The following NAV2 variants were observed in gnomAD, a reference collection of about 807,000 sequenced individuals.
The protein encoded by NAV2 is neuron navigator 2.
In NAV2, 54 loss-of-function variants were observed where a neutral mutation model predicts 223.2. The observed-to-expected ratio is 0.24, with a 90% confidence interval of 0.19 to 0.30. The LOEUF is 0.30. Ranked by LOEUF, NAV2 falls within the 10% of genes least tolerant of loss-of-function variation. The pLI is 1.00. For missense variants in NAV2, 2,806 were observed against 3,147.5 expected, an observed-to-expected ratio of 0.89 and a Z score of 2.60; for synonymous variants, 1,279 against 1,239.3, an observed-to-expected ratio of 1.03 and a Z score of -0.67.
intron 1 of NAV2, among the ~76,000 whole-genome samples, chr11:19,427,939 TC>T (rs1040547869): frequency 6.6e-6 from 1 of 152,006 alleles, no homozygotes; most frequent in African/African-American, 2.4e-5. Context: ...TGAATCTGCA[TC>T]CCCCCGCTAG....
chr11:19,842,656 A>G (rs2060573362), intron 2 of NAV2, among the ~76,000 whole-genome samples: 2 of 152,268 alleles, frequency 1.3e-5, no homozygotes, highest in Middle Eastern at 3.4e-3. Flanking sequence ...TCTCTGTTTT[A>G]GATGACGACC....
rs1191273607 is a variant in NAV2 at position 20,118,142 on chromosome 11, C to G, written c.7174C>G (p.Leu2392Val). 6.2e-7 allele frequency: 1 copy of G among 1,600,486 alleles called. No homozygotes were observed. Among genetic ancestry groups the G allele is most frequent in the Non-Finnish European group, 8.5e-7 (1 of 1,171,994 alleles). The change falls in exon 38 of 38, where the codon CTG becomes GTG. Residue 2392 changes from leucine to valine, a missense_variant. By Grantham distance (32) the Leu-to-Val change is conservative. This residue lies in a region of NAV2 where 824 missense variants were observed against 1,069.4 expected (regional missense o/e 0.77). Coordinates refer to ENST00000349880, the MANE Select transcript of NAV2 (RefSeq NM_145117.5). ...TCCACTCTTCCCCTAGATGAACATG[C>G]TGATGAGGCTGCAGGAGGCAGCCAA... ...DAEGDPLMNM[L>V]MRLQEAANYS...
At chr11:19,436,743 G>A (rs986534572) in intron 1 of NAV2, among the ~76,000 whole-genome samples, 10 of 151,956 alleles carry the variant, frequency 6.6e-5, no homozygotes, top group South Asian at 2.1e-4. Flanking sequence ...ACACCTTTCC[G>A]TTTATTTGTG....
chr11:19,527,538 A>G (rs1028685215), intron 1 of NAV2, among the ~76,000 whole-genome samples: 2 of 151,932 alleles, frequency 1.3e-5, no homozygotes, highest in African/African-American at 4.8e-5. Flanking sequence ...ATGAGCTTCA[A>G]CTTTCCAGTG....
At chr11:19,603,301 T>C (rs887720544) in intron 1 of NAV2, among the ~76,000 whole-genome samples, 2 of 151,998 alleles carry the variant, frequency 1.3e-5, no homozygotes, top group African/African-American at 4.8e-5. Context: ...AAACACCCAC[T>C]ATGTGCCAGG....
At chr11:19,698,942 A>G (rs1323536475) in intron 1 of NAV2, among the ~76,000 whole-genome samples, 1 of 152,218 alleles carries the variant, frequency 6.6e-6, no homozygotes, top group East Asian at 1.9e-4. Context: ...ACTCCAGGAC[A>G]TTATGACTTA....
At position 19,801,565 on chromosome 11, in the gene NAV2, A is replaced by T. The variant is rs138454473; in HGVS notation, c.268-30919A>T. On this transcript the variant is annotated intron_variant, in intron 1 of 37. Coordinates refer to ENST00000349880, the MANE Select transcript of NAV2 (RefSeq NM_145117.5). ...AGTTTCGGCCTCCACCTGAAAGTGG[A>T]AGTATAGGGTCAGGCACATGGACCT... Among the ~76,000 whole-genome samples, 343 of 152,276 alleles carry T rather than the reference A, an allele frequency of 2.3e-3. 2 individuals carry two copies. Among genetic ancestry groups the T allele is most frequent in the African/African-American group, 7.7e-3 (322 of 41,552 alleles).
intron 11 of NAV2, among the ~76,000 whole-genome samples, chr11:20,021,068 T>G (rs2054465386): frequency 6.6e-6 from 1 of 152,228 alleles, no homozygotes; most frequent in Admixed American, 6.5e-5. Context: ...AGACCTGCCA[T>G]AGCCAGCCCA....
At chr11:19,982,587 T>A (rs912347179) in intron 10 of NAV2, among the ~76,000 whole-genome samples, 2 of 152,180 alleles carry the variant, frequency 1.3e-5, no homozygotes, top group Non-Finnish European at 2.9e-5. Context: ...TCCAACAGAT[T>A]TCTCATTATG....
chr11:20,022,745 T>G, intron 11 of NAV2: 2 of 1,091,960 alleles, frequency 1.8e-6, no homozygotes, highest in African/African-American at 1.6e-5. Flanking sequence ...GACCCGCTGT[T>G]GCAAACTCCC....
chr11:19,535,655 C>A (rs927528342), intron 1 of NAV2, among the ~76,000 whole-genome samples: 1 of 152,230 alleles, frequency 6.6e-6, no homozygotes, highest in Non-Finnish European at 1.5e-5. Context: ...GCGGTTTCTT[C>A]CACCTCCTTT....
chr11:19,623,399 C>T (rs1325762382), intron 1 of NAV2, among the ~76,000 whole-genome samples: 1 of 152,194 alleles, frequency 6.6e-6, no homozygotes, highest in Admixed American at 6.5e-5. Flanking sequence ...CTTTCAGGTA[C>T]ACCAATCAGA....
At chr11:19,891,185 T>C (rs1428054696) in intron 5 of NAV2, among the ~76,000 whole-genome samples, 1 of 152,228 alleles carries the variant, frequency 6.6e-6, no homozygotes, top group Non-Finnish European at 1.5e-5. Context: ...GCTTACAGAT[T>C]TGCATGGAAA....
At chr11:19,987,775 C>T (rs1475987349) in intron 11 of NAV2, among the ~76,000 whole-genome samples, 2 of 152,234 alleles carry the variant, frequency 1.3e-5, no homozygotes, top group South Asian at 2.1e-4. Flanking sequence ...AGGGTTGCCA[C>T]TCCTGGGCTC....
At chr11:19,979,851 G>C (rs531326593) in intron 10 of NAV2, among the ~76,000 whole-genome samples, 1 of 152,166 alleles carries the variant, frequency 6.6e-6, no homozygotes, top group Non-Finnish European at 1.5e-5. Flanking sequence ...GCTGAAATGC[G>C]ACAGTTGGGA....
chr11:20,103,614 T>C (rs1456680975), intron 33 of NAV2, 39 bp from the exon 34 acceptor site: 1 of 1,607,074 alleles, frequency 6.2e-7, no homozygotes, highest in East Asian at 2.2e-5. Context: ...CTAGCTTGGC[T>C]TGGAATCACA....
At chr11:19,629,334 G>A (rs1318238927) in intron 1 of NAV2, among the ~76,000 whole-genome samples, 1 of 152,052 alleles carries the variant, frequency 6.6e-6, no homozygotes, top group Non-Finnish European at 1.5e-5. Context: ...GACCAAAGGG[G>A]CCCATTAGGC....
intron 6 of NAV2, chr11:19,931,848 G>A (rs1335506366): frequency 6.6e-6 from 1 of 152,288 alleles, no homozygotes; most frequent in African/African-American, 2.4e-5. Flanking sequence ...GGGCTGAAGG[G>A]GTGTATCCTG....
chr11:19,745,448 CT>C (rs1202921593), intron 1 of NAV2, among the ~76,000 whole-genome samples: 1 of 152,140 alleles, frequency 6.6e-6, no homozygotes, highest in African/African-American at 2.4e-5. Context: ...TAAGTTGGCC[CT>C]CGATTTTGTC....
Sources: gnomAD v4.1 joint callset for allele counts (sites outside exome capture counted in the v4.1 genomes callset) on GRCh38, gnomAD v4.1.1 for gene constraint, gnomAD v4.1.1 regional missense constraint, MANE v1.5 for transcripts, NCBI Gene and HGNC (gene_info 2026-07-23, HGNC 2026-07-21) for gene names.